The following CDH8 variants were observed in gnomAD, a reference collection of about 807,000 sequenced individuals.
CDH8 encodes the protein cadherin 8, also known as cadherin-8.
In CDH8, 17 loss-of-function variants were observed where a neutral mutation model predicts 68.1. That is an observed-to-expected ratio of 0.25 (90% confidence interval 0.17 to 0.37). CDH8 has a LOEUF of 0.37. Ranked by LOEUF, CDH8 falls within the 10% of genes least tolerant of loss-of-function variation. The pLI is 1.00. For synonymous variants in CDH8, 372 were observed against 365.1 expected (o/e 1.02, Z -0.21); for missense variants, 763 against 999.3 (o/e 0.76, Z 3.19).
intron 3 of CDH8, 131 bp from the exon 4 acceptor site, chr16:61,857,369 T>C: frequency 1.3e-6 from 1 of 795,166 alleles, no homozygotes; most frequent in Non-Finnish European, 1.9e-6. Context: ...TTTTAAAAAG[T>C]TGAAGATAAA....
At chr16:62,008,098 C>T (rs1274527176) in intron 2 of CDH8, among the ~76,000 whole-genome samples, 1 of 151,992 alleles carries the variant, frequency 6.6e-6, no homozygotes, top group African/African-American at 2.4e-5. Context: ...CCACACTCAG[C>T]TAATTTTTAA....
chr16:61,994,467 A>C (rs891580799), intron 2 of CDH8, among the ~76,000 whole-genome samples: 8 of 152,180 alleles, frequency 5.3e-5, no homozygotes, highest in African/African-American at 1.9e-4. Context: ...CTCTGTATTG[A>C]AGAACGTAGC....
chr16:61,984,855 A>G (rs1479021225), intron 2 of CDH8, among the ~76,000 whole-genome samples: 1 of 152,218 alleles, frequency 6.6e-6, no homozygotes, highest in Non-Finnish European at 1.5e-5. Flanking sequence ...ATAGTATAAA[A>G]TAGAAATATT....
At chr16:61,947,529 T>C (rs1007334326) in intron 2 of CDH8, among the ~76,000 whole-genome samples, 5 of 152,156 alleles carry the variant, frequency 3.3e-5, no homozygotes, top group South Asian at 2.1e-4. Flanking sequence ...TCTCCCCCTA[T>C]ATATGTGAGT....
intron 2 of CDH8, among the ~76,000 whole-genome samples, chr16:61,960,084 T>G (rs200203936): frequency 2.0e-5 from 1 of 50,104 alleles, no homozygotes; most frequent in East Asian, 6.8e-4. Context: ...CATATATACA[T>G]ATATGTGTGT....
intron 10 of CDH8, among the ~76,000 whole-genome samples, chr16:61,690,661 T>G (rs1964202160): frequency 6.6e-6 from 1 of 151,978 alleles, no homozygotes; most frequent in Non-Finnish European, 1.5e-5. Flanking sequence ...TGTTGTTGTT[T>G]ATTTTCTTTT....
intron 2 of CDH8, among the ~76,000 whole-genome samples, chr16:61,908,593 C>G (rs1170241680): frequency 3.9e-5 from 6 of 152,114 alleles, no homozygotes; most frequent in Non-Finnish European, 8.8e-5. Flanking sequence ...ATTCAAGAAA[C>G]ATTGTTTTCA....
At chr16:61,687,805 C>T (rs17248877) in intron 10 of CDH8, among the ~76,000 whole-genome samples, 26,287 of 151,938 alleles carry the variant, frequency 0.17, 2,637 homozygotes, top group Middle Eastern at 0.26. Context: ...ATTTAACCTA[C>T]GTAATTTCTA....
intron 2 of CDH8, among the ~76,000 whole-genome samples, chr16:61,996,012 G>T (rs1965799962): frequency 6.6e-6 from 1 of 152,186 alleles, no homozygotes; most frequent in South Asian, 2.1e-4. Context: ...ATGCTGAAAA[G>T]ATAGTCCGGT....
intron 3 of CDH8, among the ~76,000 whole-genome samples, chr16:61,886,511 T>C (rs1454848328): frequency 6.6e-6 from 1 of 152,168 alleles, no homozygotes; most frequent in Non-Finnish European, 1.5e-5. Context: ...AATACATCTC[T>C]CCATTTTATT....
At chr16:61,654,679 C>T (rs1347194925) in intron 11 of CDH8, among the ~76,000 whole-genome samples, 2 of 152,152 alleles carry the variant, frequency 1.3e-5, no homozygotes, top group African/African-American at 4.8e-5. Context: ...GCAAGGAAAA[C>T]ATACCCAACT....
intron 1 of CDH8, among the ~76,000 whole-genome samples, chr16:62,030,173 C>T (rs1347773450): frequency 2.0e-5 from 3 of 152,118 alleles, no homozygotes; most frequent in African/African-American, 4.8e-5. Context: ...AGTAGACAGT[C>T]AGATAGACAG....
intron 9 of CDH8, among the ~76,000 whole-genome samples, chr16:61,715,614 A>C (rs542015687): frequency 6.6e-6 from 1 of 151,604 alleles, no homozygotes; most frequent in Non-Finnish European, 1.5e-5. Flanking sequence ...ATTTTGATAA[A>C]TCTTTTATAA....
At chr16:61,836,753 T>C (rs943950210) in intron 4 of CDH8, among the ~76,000 whole-genome samples, 5 of 151,956 alleles carry the variant, frequency 3.3e-5, no homozygotes, top group Admixed American at 1.3e-4. Context: ...TATATATATA[T>C]ACTTTCCAGG....
At chr16:61,703,692 TTAGCCGGGCGTGGTGGCAGCGCCTG>T (rs1964476759) in intron 10 of CDH8, among the ~76,000 whole-genome samples, 1 of 151,932 alleles carries the variant, frequency 6.6e-6, no homozygotes, top group Non-Finnish European at 1.5e-5. Flanking sequence ...TACAAAAAAA[TTAGCCGGGCGTGGTGGCAGCGCCTG>T]TAGTCCCAGC....
rs944388836 is a variant in CDH8, at chr16:61,674,403, G to A, written c.1655-18682C>T. Among the ~76,000 whole-genome samples the A allele has an allele frequency of 4.0e-5, 6 of 150,270 alleles. No homozygotes were observed. The South Asian group carries it at 6.3e-4, about 16-fold the overall frequency. Reference sequence around the variant, plus strand: ...TGGGAGGCAGAGGTTACAGTGAGCCGAGATCGTGCCACTGCACTCCAGCCG... The same window carrying A: ...TGGGAGGCAGAGGTTACAGTGAGCCAAGATCGTGCCACTGCACTCCAGCCG... On this transcript the variant is annotated intron_variant, in intron 10 of 11. Coordinates refer to ENST00000577390, the MANE Select transcript of CDH8 (RefSeq NM_001796.5).
chr16:61,975,095 C>T (rs1287591399), intron 2 of CDH8, among the ~76,000 whole-genome samples: 1 of 151,966 alleles, frequency 6.6e-6, no homozygotes, highest in Non-Finnish European at 1.5e-5. Context: ...AAGTGTGGTA[C>T]AAAGAATTTC....
intron 7 of CDH8, among the ~76,000 whole-genome samples, chr16:61,792,420 T>C (rs1961398497): frequency 6.6e-6 from 1 of 152,008 alleles, no homozygotes; most frequent in Non-Finnish European, 1.5e-5. Flanking sequence ...ACACATTTTA[T>C]TGCCTAGTAG....
intron 10 of CDH8, among the ~76,000 whole-genome samples, chr16:61,701,679 A>G (rs183593117): frequency 6.6e-6 from 1 of 152,332 alleles, no homozygotes; most frequent in East Asian, 1.9e-4. Flanking sequence ...ATACGGGAAG[A>G]GCAAAAGGAC....
Sources: allele counts gnomAD v4.1 joint callset (sites outside exome capture counted in the v4.1 genomes callset), GRCh38; gene constraint gnomAD v4.1.1; transcripts MANE v1.5; gene names NCBI Gene and HGNC (gene_info 2026-07-23, HGNC 2026-07-21).